TAF4B: variants seen among roughly 807,000 people sequenced by gnomAD.
TAF4B encodes the protein TATA-box binding protein associated factor 4b, also known as transcription initiation factor TFIID subunit 4B.
Under a neutral mutation model 86.4 loss-of-function variants are expected in TAF4B, and 38 were observed. The observed-to-expected ratio is 0.44, with a 90% confidence interval of 0.34 to 0.58. The LOEUF (loss-of-function observed/expected upper bound fraction) is 0.58, where lower values mean the gene tolerates loss of function less well. Among genes scored for constraint, TAF4B ranks in the 20% least tolerant of loss-of-function variants. The pLI, the probability that TAF4B is intolerant of heterozygous loss-of-function variation, is 0.02. For synonymous variants in TAF4B, 388 were observed against 391.2 expected (o/e 0.99, Z 0.10); for missense variants, 988 against 1,027.6 (o/e 0.96, Z 0.53).
intron 1 of TAF4B, among the ~76,000 whole-genome samples, chr18:26,236,337 G>A (rs988122767): frequency 4.6e-5 from 7 of 152,150 alleles, no homozygotes; most frequent in African/African-American, 1.7e-4. Context: ...GCTGTCTGGG[G>A]CAGGAGATTA....
intron 9 of TAF4B, among the ~76,000 whole-genome samples, chr18:26,302,440 T>C (rs1429151016): frequency 7.4e-6 from 1 of 136,044 alleles, no homozygotes; most frequent in Admixed American, 8.2e-5. Context: ...AGTGGCACTA[T>C]CATGCCTCAC....
intron 9 of TAF4B, among the ~76,000 whole-genome samples, chr18:26,301,973 G>T (rs958540711): frequency 6.6e-6 from 1 of 152,172 alleles, no homozygotes; most frequent in Admixed American, 6.5e-5. Flanking sequence ...CTTCAGTGAG[G>T]TTCTCTTCTC....
chr18:26,227,379 A>C, intron 1 of TAF4B, 103 bp downstream of exon 1: 1 of 1,004,960 alleles, frequency 1.0e-6, no homozygotes. Context: ...CCACGGGAAC[A>C]TTTCATAATC....
At chr18:26,389,119 A>C (rs1978554167) in intron 14 of TAF4B, among the ~76,000 whole-genome samples, 1 of 144,020 alleles carries the variant, frequency 6.9e-6, no homozygotes, top group African/African-American at 2.6e-5. Context: ...ACCAGAGCTT[A>C]CTTTAGGTCA....
chr18:26,229,978 TAC>T (rs766665964), intron 1 of TAF4B, among the ~76,000 whole-genome samples: 23 of 150,862 alleles, frequency 1.5e-4, no homozygotes, highest in African/African-American at 3.2e-4. Context: ...TATATATATA[TAC>T]ACACACACAC....
At chr18:26,318,208 A>AT (rs1039995434) in intron 10 of TAF4B, among the ~76,000 whole-genome samples, 6 of 151,876 alleles carry the variant, frequency 4.0e-5, no homozygotes, top group African/African-American at 1.5e-4. Flanking sequence ...TAATTTTTGT[A>AT]TTTTTCTGTA....
rs144972507 is a variant in TAF4B, at chr18:26,357,345, T to G, written c.2317-345T>G. Among the ~76,000 whole-genome samples, 436 of 152,314 alleles carry G rather than the reference T, an allele frequency of 2.9e-3. 4 individuals are homozygous for G. The highest frequency in any genetic ancestry group is 9.9e-3 in the African/African-American group (411 of 41,584). On this transcript the variant is annotated intron_variant, in intron 13 of 14. Coordinates refer to ENST00000269142, the MANE Select transcript of TAF4B (RefSeq NM_005640.3). ...TAAAGTGAATTTAATCTGAAATGGT[T>G]TACTATAGTTTGACCAATCTCTCTC...
At chr18:26,290,565 C>T (rs1216123042) in intron 7 of TAF4B, among the ~76,000 whole-genome samples, 1 of 152,012 alleles carries the variant, frequency 6.6e-6, no homozygotes. Flanking sequence ...GTTGCTATGG[C>T]CTTTGTGCAA....
At chr18:26,344,808 G>C (rs58582322) in intron 13 of TAF4B, among the ~76,000 whole-genome samples, 1 of 152,050 alleles carries the variant, frequency 6.6e-6, no homozygotes, top group African/African-American at 2.4e-5. Context: ...CAGAGAGAGC[G>C]CTGGAGTGTG....
chr18:26,243,275 G>A (rs937036819), intron 1 of TAF4B, among the ~76,000 whole-genome samples: 1 of 152,016 alleles, frequency 6.6e-6, no homozygotes, highest in South Asian at 2.1e-4. Flanking sequence ...TGGAGGCTTT[G>A]TTTATTTTTT....
Position 26,315,209 on chromosome 18 carries a change from C to CT in TAF4B, c.1833-8dup, listed in dbSNP as rs3842402. 101,290 of 1,187,606 alleles carry CT rather than the reference C, an allele frequency of 0.085. 2,755 individuals are homozygous for CT. Among genetic ancestry groups the CT allele is most frequent in the East Asian group, 0.13 (3,526 of 27,058 alleles). 73.6% of individuals were successfully genotyped at this position (1,187,606 alleles called of 1,614,324 possible). ...CACACACACAACCTAAAATGTATAA[C>CT]TTTTTTTTTTTTCTATTAGAGATGA... On this transcript the variant is annotated intron_variant, in intron 9 of 14. Coordinates refer to ENST00000269142, the MANE Select transcript of TAF4B (RefSeq NM_005640.3).
intron 14 of TAF4B, among the ~76,000 whole-genome samples, chr18:26,376,343 C>T (rs1258741662): frequency 6.6e-6 from 1 of 151,820 alleles, no homozygotes; most frequent in African/African-American, 2.4e-5. Context: ...TGATATTCCT[C>T]AGTTTCTTTC....
chr18:26,278,351 C>T (rs2056407563), intron 5 of TAF4B, among the ~76,000 whole-genome samples: 1 of 152,082 alleles, frequency 6.6e-6, no homozygotes, highest in South Asian at 2.1e-4. Context: ...CTTGCTCAGG[C>T]TGGAGTGCAG....
chr18:26,295,857 T>C (rs1217003069), intron 9 of TAF4B, among the ~76,000 whole-genome samples: 2 of 152,176 alleles, frequency 1.3e-5, no homozygotes, highest in East Asian at 3.8e-4. Context: ...AGTTTTGCCC[T>C]AGAATATGTT....
chr18:26,346,579 G>A (rs2057181099), intron 13 of TAF4B, among the ~76,000 whole-genome samples: 2 of 150,774 alleles, frequency 1.3e-5, no homozygotes, highest in African/African-American at 4.9e-5. Flanking sequence ...AGTCAAAGTC[G>A]ATTCTAAAAG....
intron 13 of TAF4B, among the ~76,000 whole-genome samples, chr18:26,346,877 G>GTATATATA (rs1220239621): frequency 3.0e-4 from 2 of 6,600 alleles, no homozygotes; most frequent in African/African-American, 6.4e-4. Flanking sequence ...ATATATATGT[G>GTATATATA]TATATATATA....
In TAF4B at chr18:26,226,784, G is replaced by C. The variant is rs140568279; in HGVS notation, c.-150G>C. The C allele has an allele frequency of 1.4e-3, 823 of 569,192 alleles. 7 individuals carry two copies. In the African/African-American group the frequency reaches 0.015, roughly 10 times the overall value. 35.3% of individuals were successfully genotyped at this position (569,192 alleles called of 1,614,324 possible). ...GTGTCCTGCCGTGCAGCGGGCGCCC[G>C]TCACTGACTTCGCTGCTGCGGCCCC... On this transcript the variant is annotated 5_prime_UTR_variant, in exon 1 of 15. Coordinates refer to ENST00000269142, the MANE Select transcript of TAF4B (RefSeq NM_005640.3).
At chr18:26,227,357 A>T in intron 1 of TAF4B, 81 bp downstream of exon 1, 1 of 1,280,432 alleles carries the variant, frequency 7.8e-7, no homozygotes, top group Non-Finnish European at 1.1e-6. Flanking sequence ...GATTGCTCCT[A>T]AAAAAACTGA....
At chr18:26,244,684 C>A (rs1206151261) in intron 1 of TAF4B, among the ~76,000 whole-genome samples, 1 of 152,170 alleles carries the variant, frequency 6.6e-6, no homozygotes, top group East Asian at 1.9e-4. Flanking sequence ...GGAGCTGTTC[C>A]TATTCGGCCA....
Sources: gnomAD v4.1 joint callset for allele counts (sites outside exome capture counted in the v4.1 genomes callset) on GRCh38, gnomAD v4.1.1 for gene constraint, MANE v1.5 for transcripts, NCBI Gene and HGNC (gene_info 2026-07-23, HGNC 2026-07-21) for gene names.